Variants in C10orf90 observed in about 807,000 individuals in gnomAD.
C10orf90 encodes chromosome 10 open reading frame 90.
In C10orf90, 56 loss-of-function variants were observed where a neutral mutation model predicts 62.5. That is an observed-to-expected ratio of 0.90 (90% CI 0.72 to 1.12). C10orf90 has a LOEUF of 1.12. C10orf90 is among the 50% of genes most tolerant of loss of function. C10orf90 has a pLI of 0.00. For synonymous variants in C10orf90, 386 were observed against 340.4 expected, an observed-to-expected ratio of 1.13 and a Z score of -1.47; for missense variants, 970 against 880.4, an observed-to-expected ratio of 1.10 and a Z score of -1.29.
chr10:126,602,367 G>A (rs566274533), intron 2 of C10orf90, among the ~76,000 whole-genome samples: 1 of 152,186 alleles, frequency 6.6e-6, no homozygotes, highest in Non-Finnish European at 1.5e-5. Context: ...AGCTTACTTG[G>A]AATATAATAT....
chr10:126,633,656 A>C (rs1021109042), intron 2 of C10orf90, among the ~76,000 whole-genome samples: 2 of 152,230 alleles, frequency 1.3e-5, no homozygotes, highest in Non-Finnish European at 2.9e-5. Flanking sequence ...TGGCAGGCTC[A>C]GAGTGAGCTC....
intron 4 of C10orf90, among the ~76,000 whole-genome samples, chr10:126,502,103 C>T (rs1466814930): frequency 1.1e-4 from 15 of 138,616 alleles, no homozygotes; most frequent in African/African-American, 4.2e-4. Flanking sequence ...CACACACACA[C>T]CACACACACA....
At chr10:126,427,554 G>T (rs963543906) in intron 8 of C10orf90, among the ~76,000 whole-genome samples, 2 of 152,184 alleles carry the variant, frequency 1.3e-5, no homozygotes, top group Non-Finnish European at 2.9e-5. Flanking sequence ...TCAGCTGCCA[G>T]CGTGGCTGGA....
At chr10:126,480,931 A>G (rs1861131060) in intron 4 of C10orf90, among the ~76,000 whole-genome samples, 1 of 152,060 alleles carries the variant, frequency 6.6e-6, no homozygotes, top group African/African-American at 2.4e-5. Flanking sequence ...CCTCCCACCT[A>G]AAATAAATCG....
At chr10:126,526,658 C>T (rs1863958532) in intron 2 of C10orf90, among the ~76,000 whole-genome samples, 1 of 152,272 alleles carries the variant, frequency 6.6e-6, no homozygotes, top group Non-Finnish European at 1.5e-5. Context: ...ATGCAACCAT[C>T]ACCAAATTCC....
chr10:126,646,366 C>G (rs540141723), intron 2 of C10orf90, among the ~76,000 whole-genome samples, 199 bp downstream of exon 2: 3 of 152,230 alleles, frequency 2.0e-5, no homozygotes, highest in Non-Finnish European at 2.9e-5. Flanking sequence ...CTGTGGCATC[C>G]TTTAGCCTCA....
intron 2 of C10orf90, among the ~76,000 whole-genome samples, chr10:126,548,898 G>C (rs1405767282): frequency 6.6e-6 from 1 of 151,946 alleles, no homozygotes; most frequent in African/African-American, 2.4e-5. Flanking sequence ...TTTTGACAAA[G>C]GTGCAAAAGC....
Position 126,461,563 on chromosome 10 carries a change from C to G in C10orf90, c.1848G>C (p.Leu616Phe), listed in dbSNP as rs1379388970. Residue 616 changes from leucine to phenylalanine, a missense_variant, in exon 6 of 10, where the codon TTG becomes TTC. By Grantham distance (22) the Leu-to-Phe change is conservative. Coordinates refer to ENST00000488181, the MANE Select transcript of C10orf90 (RefSeq NM_001350921.2). ...TCTTACATTCCTTTATTTTTACAAC[C>G]AAGTCACAGCATGTGTAATCTCCTA... Reference protein sequence around the residue: ...FPKGDYTCCDLVVKIKECKKS... With the variant: ...FPKGDYTCCDFVVKIKECKKS... 6.2e-7 allele frequency: 1 copy of G among 1,613,878 alleles called. No homozygotes were observed. Among genetic ancestry groups the G allele is most frequent in the Non-Finnish European group, 8.5e-7 (1 of 1,179,940 alleles).
intron 2 of C10orf90, among the ~76,000 whole-genome samples, chr10:126,586,955 T>A (rs1304161759): frequency 6.6e-6 from 1 of 152,146 alleles, no homozygotes; most frequent in Non-Finnish European, 1.5e-5. Flanking sequence ...CGGTCTTCTC[T>A]CTATCAGGAA....
intron 8 of C10orf90, among the ~76,000 whole-genome samples, chr10:126,428,579 T>A (rs1413124094): frequency 6.6e-6 from 1 of 152,122 alleles, no homozygotes; most frequent in Non-Finnish European, 1.5e-5. Flanking sequence ...TCACTCGTCC[T>A]CTTTGAGCCT....
intron 2 of C10orf90, among the ~76,000 whole-genome samples, chr10:126,538,954 C>T (rs917986841): frequency 4.6e-5 from 7 of 152,232 alleles, no homozygotes; most frequent in Non-Finnish European, 8.8e-5. Flanking sequence ...GCCAGCTGAG[C>T]TGGAGCCAGG....
chr10:126,503,832 C>A, intron 4 of C10orf90, 125 bp downstream of exon 4: 1 of 1,170,654 alleles, frequency 8.5e-7, no homozygotes, highest in South Asian at 1.6e-5. Flanking sequence ...ATGAGCAGAG[C>A]AGATCACTGC....
chr10:126,619,320 G>C (rs141073711), intron 2 of C10orf90, among the ~76,000 whole-genome samples: 1 of 152,150 alleles, frequency 6.6e-6, no homozygotes, highest in Admixed American at 6.5e-5. Context: ...CACGGGTGTT[G>C]AATCACTTGG....
chr10:126,656,779 C>T (rs933154881), intron 1 of C10orf90, among the ~76,000 whole-genome samples: 1 of 152,128 alleles, frequency 6.6e-6, no homozygotes, highest in Non-Finnish European at 1.5e-5. Context: ...TTCAACTGTA[C>T]CCATTTGTCA....
chr10:126,631,003 G>T (rs1845840714), intron 2 of C10orf90, among the ~76,000 whole-genome samples: 1 of 152,112 alleles, frequency 6.6e-6, no homozygotes, highest in Admixed American at 6.6e-5. Flanking sequence ...TCACTCACAT[G>T]TACACCCTTC....
At chr10:126,528,335 T>A (rs1864003566) in intron 2 of C10orf90, among the ~76,000 whole-genome samples, 1 of 152,006 alleles carries the variant, frequency 6.6e-6, no homozygotes, top group South Asian at 2.1e-4. Context: ...TTTAGAAGCA[T>A]CAAAATAATT....
chr10:126,490,919 A>G (rs1861733740), intron 4 of C10orf90, among the ~76,000 whole-genome samples: 1 of 152,184 alleles, frequency 6.6e-6, no homozygotes, highest in Non-Finnish European at 1.5e-5. Flanking sequence ...TAATATTATT[A>G]CATAGAAAAT....
intron 8 of C10orf90, among the ~76,000 whole-genome samples, chr10:126,427,367 CA>C (rs1361075816): frequency 7.9e-5 from 12 of 152,200 alleles, no homozygotes; most frequent in African/African-American, 2.7e-4. Context: ...CCATCTCAAT[CA>C]GCTGGCAGAG....
At chr10:126,592,023 A>G (rs1458858283) in intron 2 of C10orf90, among the ~76,000 whole-genome samples, 3 of 152,166 alleles carry the variant, frequency 2.0e-5, no homozygotes, top group African/African-American at 7.2e-5. Flanking sequence ...GAAAACTACA[A>G]TCCCCTGCTC....
Sources: gnomAD v4.1 joint callset for allele counts (sites outside exome capture counted in the v4.1 genomes callset) on GRCh38, gnomAD v4.1.1 for gene constraint, MANE v1.5 for transcripts, NCBI Gene and HGNC (gene_info 2026-07-23, HGNC 2026-07-21) for gene names.